ENTREP2: variants seen among roughly 807,000 people sequenced by gnomAD.
The protein encoded by ENTREP2 is endosomal transmembrane epsin interactor 2.
At chr15:29,547,299 A>G in the ENTREP2 span, among the ~76,000 whole-genome samples, 1 of 152,054 alleles carries the variant, frequency 6.6e-6, no homozygotes, top group East Asian at 1.9e-4. Context: ...CATATTGGCC[A>G]GGCTGGTCTC....
chr15:29,279,038 T>TG, the ENTREP2 span, among the ~76,000 whole-genome samples: 1 of 152,170 alleles, frequency 6.6e-6, no homozygotes, highest in Non-Finnish European at 1.5e-5. Context: ...CTCCTTTTGT[T>TG]GACTATAAGG....
chr15:29,507,783 G>T, the ENTREP2 span, among the ~76,000 whole-genome samples: 1 of 152,184 alleles, frequency 6.6e-6, no homozygotes, highest in Non-Finnish European at 1.5e-5. Context: ...GCACTAAAAT[G>T]CCCACAGGAG....
chr15:29,245,196 A>G, the ENTREP2 span, among the ~76,000 whole-genome samples: 32 of 152,186 alleles, frequency 2.1e-4, no homozygotes, highest in African/African-American at 7.0e-4. Flanking sequence ...TAATAACTAA[A>G]ACAGGCATCC....
chr15:29,124,103 A>C, the ENTREP2 span, among the ~76,000 whole-genome samples: 1 of 152,078 alleles, frequency 6.6e-6, no homozygotes, highest in South Asian at 2.1e-4. Flanking sequence ...CCATCATGCC[A>C]GGTGCAGGCA....
the ENTREP2 span, among the ~76,000 whole-genome samples, chr15:29,343,964 C>A: frequency 6.6e-6 from 1 of 152,314 alleles, no homozygotes; most frequent in Non-Finnish European, 1.5e-5. Context: ...AGGAAGAAGA[C>A]AATTTTTAAA....
At chr15:29,624,207 A>G in the ENTREP2 span, among the ~76,000 whole-genome samples, 2 of 152,204 alleles carry the variant, frequency 1.3e-5, no homozygotes, top group African/African-American at 4.8e-5. Context: ...GATTCACACA[A>G]TATCCATTCT....
the ENTREP2 span, among the ~76,000 whole-genome samples, chr15:29,378,705 G>A: frequency 1.3e-5 from 2 of 152,096 alleles, no homozygotes; most frequent in African/African-American, 4.8e-5. Flanking sequence ...ACAACTGCGT[G>A]AGCCAATTCT....
the ENTREP2 span, among the ~76,000 whole-genome samples, chr15:29,163,725 A>G: frequency 6.6e-6 from 1 of 152,186 alleles, no homozygotes; most frequent in African/African-American, 2.4e-5. Context: ...GAATTATAAA[A>G]GCTTGGAAAA....
At chr15:29,415,045 G>A in the ENTREP2 span, among the ~76,000 whole-genome samples, 1 of 152,080 alleles carries the variant, frequency 6.6e-6, no homozygotes, top group Non-Finnish European at 1.5e-5. Context: ...AGGACCAGAT[G>A]GATTCACAGC....
At chr15:29,336,141 CAAA>C in the ENTREP2 span, among the ~76,000 whole-genome samples, 1 of 77,578 alleles carries the variant, frequency 1.3e-5, no homozygotes. Flanking sequence ...GACTCCGTCT[CAAA>C]AAAAAAAAAA....
the ENTREP2 span, among the ~76,000 whole-genome samples, chr15:29,430,731 G>C: frequency 1.3e-5 from 2 of 152,050 alleles, no homozygotes; most frequent in African/African-American, 4.8e-5. Context: ...GAGGAATGGA[G>C]GTACACCCAT....
the ENTREP2 span, among the ~76,000 whole-genome samples, chr15:29,134,551 C>T: frequency 4.5e-4 from 69 of 152,304 alleles, no homozygotes; most frequent in African/African-American, 1.6e-3. Context: ...TATATGACTC[C>T]CCAGGTGCGG....
At chr15:29,291,855 GTT>G in the ENTREP2 span, among the ~76,000 whole-genome samples, 2 of 149,490 alleles carry the variant, frequency 1.3e-5, no homozygotes, top group African/African-American at 4.9e-5. Flanking sequence ...GTTTGCATAG[GTT>G]TTTTTTTTCT....
chr15:29,642,845 C>G, the ENTREP2 span, among the ~76,000 whole-genome samples: 1 of 152,112 alleles, frequency 6.6e-6, no homozygotes, highest in African/African-American at 2.4e-5. Flanking sequence ...ATCTCTTGAC[C>G]TTGTGATCCA....
chr15:29,143,826 A>G, the ENTREP2 span, among the ~76,000 whole-genome samples: 1 of 152,214 alleles, frequency 6.6e-6, no homozygotes, highest in African/African-American at 2.4e-5. Flanking sequence ...AAAGAGGCCG[A>G]CATACAGGAA....
At chr15:29,536,431 C>T in the ENTREP2 span, among the ~76,000 whole-genome samples, 1 of 151,822 alleles carries the variant, frequency 6.6e-6, no homozygotes, top group Non-Finnish European at 1.5e-5. Context: ...GAATTCTGTC[C>T]CCCATAAAAG....
At chr15:29,452,797 A>G in the ENTREP2 span, 1 of 150,482 alleles carries the variant, frequency 6.6e-6, no homozygotes, top group Non-Finnish European at 1.5e-5. Flanking sequence ...TAACACTTAA[A>G]GCAAAACCCA....
chr15:29,277,138 GT>G, the ENTREP2 span, among the ~76,000 whole-genome samples: 1 of 152,230 alleles, frequency 6.6e-6, no homozygotes, highest in East Asian at 1.9e-4. Context: ...GAGGTCAGGA[GT>G]TCCAGACCAG....
the ENTREP2 span, among the ~76,000 whole-genome samples, chr15:29,191,101 A>C: frequency 6.6e-6 from 1 of 152,130 alleles, no homozygotes; most frequent in Non-Finnish European, 1.5e-5. Flanking sequence ...AGATCCTTTC[A>C]CTGCAGTCAA....
Sources: allele counts gnomAD v4.1 joint callset (sites outside exome capture counted in the v4.1 genomes callset), GRCh38; gene constraint gnomAD v4.1.1; transcripts MANE v1.5; gene names NCBI Gene and HGNC (gene_info 2026-07-23, HGNC 2026-07-21).